TP53BP1: variants seen among roughly 807,000 people sequenced by gnomAD.
The protein encoded by TP53BP1 is TP53-binding protein 1.
TP53BP1 carries 61 observed loss-of-function variants against 200.8 expected under a neutral mutation model. The observed-to-expected ratio is 0.30, with a 90% CI of 0.25 to 0.38. The LOEUF (loss-of-function observed/expected upper bound fraction) is 0.38, where lower values mean the gene tolerates loss of function less well. TP53BP1 is among the 10% of genes least tolerant of loss of function. TP53BP1 has a pLI of 1.00. For synonymous variants in TP53BP1, 822 were observed against 844.3 expected (o/e 0.97, Z 0.46); for missense variants, 2,144 against 2,371.9 (o/e 0.90, Z 2.00).
chr15:43,414,530 AAGGGAAT>A (rs1467798694), intron 23 of TP53BP1, among the ~76,000 whole-genome samples: 1 of 152,164 alleles, frequency 6.6e-6, no homozygotes, highest in Non-Finnish European at 1.5e-5. Context: ...AAAGTTCCAA[AAGGGAAT>A]AGACTGATTT....
chr15:43,421,771 A>G (rs753237816), intron 19 of TP53BP1, 84 bp downstream of exon 19: 8 of 1,502,838 alleles, frequency 5.3e-6, no homozygotes, highest in Non-Finnish European at 6.3e-6. Context: ...GGGATTTCCC[A>G]TTACTCCCCT....
chr15:43,452,196 T>G (rs1391425256), intron 12 of TP53BP1, among the ~76,000 whole-genome samples: 1 of 152,156 alleles, frequency 6.6e-6, no homozygotes, highest in African/African-American at 2.4e-5. Flanking sequence ...TATTTTTAAG[T>G]ACAAAATAAT....
At chr15:43,479,234 C>A (rs1337156483) in intron 7 of TP53BP1, among the ~76,000 whole-genome samples, 163 bp downstream of exon 7, 1 of 152,112 alleles carries the variant, frequency 6.6e-6, no homozygotes, top group Non-Finnish European at 1.5e-5. Context: ...ATTCTTGAGA[C>A]TTCATAAATA....
At chr15:43,496,382 A>G (rs968372966), upstream of TP53BP1, among the ~76,000 whole-genome samples, 5 of 152,178 alleles carry the variant, frequency 3.3e-5, no homozygotes, top group African/African-American at 1.2e-4. Context: ...AAACCATCAA[A>G]CAACAAATCT....
chr15:43,408,824 A>G (rs1403517680), intron 26 of TP53BP1, 73 bp downstream of exon 26: 12 of 1,464,904 alleles, frequency 8.2e-6, no homozygotes, highest in Non-Finnish European at 1.1e-5. Flanking sequence ...TTACTCTCTC[A>G]CCTAGATTCT....
At chr15:43,457,722 G>A (rs568670235) in intron 11 of TP53BP1, among the ~76,000 whole-genome samples, 6 of 138,990 alleles carry the variant, frequency 4.3e-5, no homozygotes, top group Admixed American at 3.6e-4. Context: ...CATAAAGCAG[G>A]TATTAAAATC....
At chr15:43,408,582 G>A (rs896947845) in intron 26 of TP53BP1, 9 of 336,652 alleles carry the variant, frequency 2.7e-5, no homozygotes, top group Non-Finnish European at 5.0e-5. Context: ...TGTTTGTTCT[G>A]GGGCTGAGAA....
intron 8 of TP53BP1, among the ~76,000 whole-genome samples, chr15:43,476,485 G>A (rs750741180): frequency 6.6e-6 from 1 of 152,134 alleles, no homozygotes; most frequent in African/African-American, 2.4e-5. Flanking sequence ...CAAGATTTGG[G>A]CCTGCTCAAA....
intron 10 of TP53BP1, among the ~76,000 whole-genome samples, chr15:43,473,795 G>A (rs2046784768): frequency 6.6e-6 from 1 of 152,256 alleles, no homozygotes; most frequent in Non-Finnish European, 1.5e-5. Context: ...AGACTCAGCA[G>A]CCCAGCTGGC....
Position 43,446,547 on chromosome 15 carries a change from G to A in TP53BP1, c.2880C>T (p.Val960=), listed in dbSNP as rs1204123651. The change falls in exon 14 of 28, where the codon GTC becomes GTT. Residue 960 remains valine (V), a synonymous_variant. Coordinates refer to ENST00000382044, the MANE Select transcript of TP53BP1 (RefSeq NM_001141980.3). ...GGGTCTCCACCATGCTTTCAGACAT[G>A]ACATCACTGGTTGCTATGGTGCTTT... ...YPESTIATSD[V]MSESMVETHD... The A allele has an allele frequency of 1.2e-6, 2 of 1,614,104 alleles. No individual in the cohort carries two copies. The highest frequency in any genetic ancestry group is 1.7e-5 in the Admixed American group (1 of 60,020).
In TP53BP1 at chr15:43,474,700, T is replaced by C; in HGVS notation, c.1153A>G (p.Ser385Gly). ...FRSTPFIVPS[S>G]PTEQEGRQDK... The stretch of plus-strand genomic sequence containing the variant: ...TGTCTCCCTTCTTGCTCTGTGGGAC[T>C]GCTAGGAACGATAAAAGGAGTAGAT... Residue 385 changes from serine (S) to glycine (G), a missense_variant, in exon 10 of 28, where the codon AGT (serine) becomes GGT (glycine). Coordinates refer to ENST00000382044, the MANE Select transcript of TP53BP1 (RefSeq NM_001141980.3). The C allele has an allele frequency of 6.2e-7, 1 of 1,613,256 alleles. No homozygotes were observed. Among genetic ancestry groups the C allele is most frequent in the Non-Finnish European group, 8.5e-7 (1 of 1,179,212 alleles).
intron 8 of TP53BP1, among the ~76,000 whole-genome samples, chr15:43,476,243 C>T (rs1322959010): frequency 6.6e-6 from 1 of 151,916 alleles, no homozygotes; most frequent in East Asian, 1.9e-4. Context: ...CCAGCCTGGG[C>T]AACAGAGGGA....
chr15:43,498,382 C>T (rs2079192216), intron 1 of TP53BP1, among the ~76,000 whole-genome samples: 1 of 152,214 alleles, frequency 6.6e-6, no homozygotes, highest in South Asian at 2.1e-4. Context: ...AAAAAGCCAT[C>T]TGTGTCACTT....
intron 18 of TP53BP1, 28 bp from the exon 19 acceptor site, chr15:43,422,154 T>C (rs746628201): frequency 1.9e-6 from 3 of 1,603,784 alleles, no homozygotes; most frequent in African/African-American, 1.3e-5. Flanking sequence ...ATACAGAAGA[T>C]AAAAGATGCC....
chr15:43,438,464 G>A, intron 15 of TP53BP1, 48 bp from the exon 16 acceptor site: 1 of 1,497,900 alleles, frequency 6.7e-7, no homozygotes, highest in East Asian at 2.4e-5. Flanking sequence ...GAAAAGAAAA[G>A]TACTTTTGGA....
At chr15:43,483,365 A>C (rs1445950375) in intron 4 of TP53BP1, among the ~76,000 whole-genome samples, 7 of 152,170 alleles carry the variant, frequency 4.6e-5, no homozygotes, top group Non-Finnish European at 1.5e-5. Context: ...GTCATGAGAA[A>C]AATTTTCATG....
At chr15:43,427,596 G>A (rs1419879641) in intron 18 of TP53BP1, among the ~76,000 whole-genome samples, 1 of 152,126 alleles carries the variant, frequency 6.6e-6, no homozygotes, top group Non-Finnish European at 1.5e-5. Flanking sequence ...ATAAAAAGAT[G>A]AAGAAAAACA....
At chr15:43,416,815 T>C (rs2045276235) in intron 21 of TP53BP1, 1 of 159,402 alleles carries the variant, frequency 6.3e-6, no homozygotes, top group Admixed American at 6.3e-5. Flanking sequence ...TGAGTTAAGC[T>C]GTAGGTGAAA....
chr15:43,479,775 G>A lies in TP53BP1; in HGVS notation c.658+84C>T. 3 of 1,519,790 alleles carry A rather than the reference G, an allele frequency of 2.0e-6. No homozygotes were observed. The South Asian group carries it at 3.7e-5, about 19-fold the overall frequency. The allele number at this position is 1,519,790 out of a possible 1,614,324, so 94.1% of individuals were successfully genotyped here. ...TTAGATTATATTAATTTGGATAGCT[G>A]CAAAACTTATCAAAGAAAAAATAAC... is the stretch of plus-strand genomic sequence containing the variant. On this transcript the variant is annotated intron_variant, in intron 6 of 27. Coordinates refer to ENST00000382044, the MANE Select transcript of TP53BP1 (RefSeq NM_001141980.3).
Sources: gnomAD v4.1 joint callset for allele counts (sites outside exome capture counted in the v4.1 genomes callset) on GRCh38, gnomAD v4.1.1 for gene constraint, MANE v1.5 for transcripts, NCBI Gene and HGNC (gene_info 2026-07-23, HGNC 2026-07-21) for gene names.